KSR1: variants seen among roughly 807,000 people sequenced by gnomAD.
The protein encoded by KSR1 is kinase suppressor of ras.
KSR1 carries 35 observed loss-of-function variants against 92.9 expected under a neutral mutation model. The observed-to-expected ratio is 0.38, with a 90% CI of 0.29 to 0.50. The LOEUF (loss-of-function observed/expected upper bound fraction) is 0.50, where lower values mean the gene tolerates loss of function less well. Ranked by LOEUF, KSR1 falls within the 20% of genes least tolerant of loss-of-function variation. The probability of loss-of-function intolerance (pLI) is 0.94; values close to 1 mark genes in which losing one functional copy is unlikely to be tolerated. For missense variants in KSR1, 972 were observed against 1,158.5 expected (o/e 0.84, Z 2.34); for synonymous variants, 467 against 472.6 (o/e 0.99, Z 0.15).
chr17:27,502,176 AAGCCAGGTCTGCTGATTCTGG>A (rs1192850624), intron 1 of KSR1, among the ~76,000 whole-genome samples: 3 of 152,222 alleles, frequency 2.0e-5, no homozygotes, highest in Admixed American at 2.0e-4. Context: ...CTGGAATTCC[AAGCCAGGTCTGCTGATTCTGG>A]AGCCAGTTGT....
intron 1 of KSR1, among the ~76,000 whole-genome samples, chr17:27,515,624 T>G (rs1443469155): frequency 6.6e-6 from 1 of 151,526 alleles, no homozygotes; most frequent in Non-Finnish European, 1.5e-5. Flanking sequence ...TTTTTTTTTT[T>G]TTTTTTTTCA....
chr17:27,614,787 G>A (rs1598153494), intron 18 of KSR1, among the ~76,000 whole-genome samples: 1 of 152,318 alleles, frequency 6.6e-6, no homozygotes, highest in East Asian at 1.9e-4. Context: ...GTGGGGAGTG[G>A]GGAGAGAGCA....
rs576659358 is a variant in KSR1 at position 27,480,654 on chromosome 17, C to T, written c.231+23780C>T. ...CCTCAGGCGATCCACCCGCTTCGGC[C>T]TCCCACAGTTGTGAGCCACAGCACC... On this transcript the variant is annotated intron_variant, in intron 1 of 20. Transcript: ENST00000644974. 5.0e-3 allele frequency among the ~76,000 whole-genome samples: 761 copies of T among 152,326 alleles called. 6 individuals carry two copies. Among genetic ancestry groups the T allele is most frequent in the African/African-American group, 0.017 (696 of 41,568 alleles).
chr17:27,485,548 G>C (rs888311009), intron 1 of KSR1, among the ~76,000 whole-genome samples: 1 of 152,204 alleles, frequency 6.6e-6, no homozygotes, highest in Non-Finnish European at 1.5e-5. Context: ...AATGAAATAA[G>C]TGGAGGGAAA....
At chr17:27,563,897 A>G (rs1203207978) in intron 2 of KSR1, among the ~76,000 whole-genome samples, 3 of 150,534 alleles carry the variant, frequency 2.0e-5, no homozygotes, top group Admixed American at 6.6e-5. Context: ...TTATCTCAGC[A>G]TGCTCTTTCC....
intron 1 of KSR1, among the ~76,000 whole-genome samples, chr17:27,510,464 G>T (rs1455974712): frequency 6.6e-6 from 1 of 152,198 alleles, no homozygotes; most frequent in Non-Finnish European, 1.5e-5. Flanking sequence ...CAGCATGAGT[G>T]GTCATTTTGT....
At chr17:27,568,038 C>T (rs2072155848) in intron 2 of KSR1, among the ~76,000 whole-genome samples, 1 of 152,244 alleles carries the variant, frequency 6.6e-6, no homozygotes, top group Non-Finnish European at 1.5e-5. Context: ...CCTCGGCCAT[C>T]TGCTCAGGGT....
intron 14 of KSR1, 110 bp downstream of exon 14, chr17:27,605,923 T>A: frequency 7.0e-7 from 1 of 1,433,740 alleles, no homozygotes; most frequent in Non-Finnish European, 9.4e-7. Flanking sequence ...AATAGAGGCA[T>A]AAAGAAGAAA....
At chr17:27,537,905 A>C (rs1446633108) in intron 1 of KSR1, among the ~76,000 whole-genome samples, 1 of 152,246 alleles carries the variant, frequency 6.6e-6, no homozygotes, top group South Asian at 2.1e-4. Flanking sequence ...TAAAACTTCT[A>C]GAACCCAGGA....
At chr17:27,531,213 A>G (rs919430546) in intron 1 of KSR1, among the ~76,000 whole-genome samples, 1 of 152,242 alleles carries the variant, frequency 6.6e-6, no homozygotes, top group Non-Finnish European at 1.5e-5. Context: ...GTTGAGAAAC[A>G]GCTTCCTTTT....
chr17:27,571,222 A>C (rs1013762766), intron 2 of KSR1, among the ~76,000 whole-genome samples: 1 of 152,194 alleles, frequency 6.6e-6, no homozygotes, highest in African/African-American at 2.4e-5. Flanking sequence ...CAAAGCCAAC[A>C]TCCCCAGGCT....
intron 2 of KSR1, among the ~76,000 whole-genome samples, chr17:27,575,906 G>A (rs1051851745): frequency 2.0e-5 from 3 of 152,218 alleles, no homozygotes; most frequent in Non-Finnish European, 4.4e-5. Context: ...CCCTACTTGG[G>A]ATCTCACAAG....
intron 1 of KSR1, among the ~76,000 whole-genome samples, chr17:27,475,281 G>T (rs1461667353): frequency 6.6e-6 from 1 of 152,214 alleles, no homozygotes; most frequent in African/African-American, 2.4e-5. Context: ...AGGTGTGAAG[G>T]AGGGAAGAGT....
rs900717629 is a variant in KSR1 at position 27,577,354 on chromosome 17, C to T, written c.373-138C>T. ...AGGGAGCTCTGCTTGTGTCCCCAAG[C>T]ACGTGGTGGCTCTGGTCAGAGGCCG... On this transcript the variant is annotated intron_variant, in intron 2 of 20. Coordinates refer to ENST00000644974, the MANE Select transcript of KSR1 (RefSeq NM_001394583.1). This position sits in a 1 kb window ranked among gnomAD's most constrained non-coding sequence, Gnocchi z 4.5. The T allele has an allele frequency of 5.9e-5, 35 of 597,686 alleles. No homozygotes were observed. The highest frequency in any genetic ancestry group is 4.5e-4 in the Middle Eastern group (1 of 2,236). 37.0% of individuals were successfully genotyped at this position (597,686 alleles called of 1,614,324 possible). A position where few individuals can be genotyped will look rare whatever the true frequency, so the allele number is the denominator to read the frequency against.
At chr17:27,460,726 C>T (rs888571930) in intron 1 of KSR1, among the ~76,000 whole-genome samples, 8 of 152,156 alleles carry the variant, frequency 5.3e-5, no homozygotes, top group Non-Finnish European at 1.0e-4. Flanking sequence ...TGTGGGGGAC[C>T]TGAGCTCTCC....
chr17:27,610,110 C>T lies in KSR1; in HGVS notation c.2269C>T (p.Leu757=). 2 of 1,614,020 alleles carry T rather than the reference C, an allele frequency of 1.2e-6. No individual in the cohort carries two copies. The highest frequency in any genetic ancestry group is 2.2e-5 in the East Asian group (1 of 44,880). The part of the protein sequence containing the change: ...LKLSHDWLCY[L]APEIVREMTP... ...GCTGTCCCACGACTGGCTGTGCTAT[C>T]TGGCCCCTGAGATTGTACGCGAGAT... Residue 757 remains leucine, a synonymous_variant, in exon 17 of 21, where the codon CTG becomes TTG. Transcript: ENST00000644974.
rs958417513 is a variant in KSR1 at position 27,559,815 on chromosome 17, G to A, written c.372+9107G>A. 1.6e-4 allele frequency among the ~76,000 whole-genome samples: 24 copies of A among 152,346 alleles called. No individual in the cohort carries two copies. The highest frequency in any genetic ancestry group is 5.8e-4 in the African/African-American group (24 of 41,590). ...ACCCTGAGGATGAGGAAATCAGAGC[G>A]CTTGTGAAGCGCGTGAGGAGGAGTC... On this transcript the variant is annotated intron_variant, in intron 2 of 20. Transcript: ENST00000644974. The surrounding 1 kb of genome is among the most constrained non-coding windows in gnomAD (Gnocchi z 4.2).
At chr17:27,607,080 C>T (rs896465229) in intron 14 of KSR1, among the ~76,000 whole-genome samples, 1 of 152,174 alleles carries the variant, frequency 6.6e-6, no homozygotes, top group Non-Finnish European at 1.5e-5. Flanking sequence ...GATCCGCCCA[C>T]CTCAGCCTCC....
intron 1 of KSR1, among the ~76,000 whole-genome samples, chr17:27,530,370 G>A (rs972631097): frequency 7.2e-5 from 11 of 151,990 alleles, no homozygotes; most frequent in Non-Finnish European, 1.5e-4. Flanking sequence ...GTTTGAGCCT[G>A]GGAGGTCGAG....
Sources: allele counts gnomAD v4.1 joint callset (sites outside exome capture counted in the v4.1 genomes callset), GRCh38; gene constraint gnomAD v4.1.1; non-coding constraint Gnocchi (gnomAD v3.1); transcripts MANE v1.5; gene names NCBI Gene and HGNC (gene_info 2026-07-23, HGNC 2026-07-21).